AUTS2: variants seen among roughly 807,000 people sequenced by gnomAD.
AUTS2 encodes the protein activator of transcription and developmental regulator AUTS2, also known as autism susceptibility gene 2 protein.
In AUTS2, 17 loss-of-function variants were observed where a neutral mutation model predicts 112.4. The ratio of observed to expected loss-of-function variants is 0.15; its 90% CI spans 0.10 to 0.23. The LOEUF (loss-of-function observed/expected upper bound fraction) is 0.23. Ranked by LOEUF, AUTS2 falls within the 10% of genes least tolerant of loss-of-function variation. The pLI is 1.00. For missense variants in AUTS2, 1,510 were observed against 1,701.6 expected (o/e 0.89, Z 1.98); for synonymous variants, 751 against 702.7 (o/e 1.07, Z -1.09).
At chr7:70,623,597 A>G (rs1233776148) in intron 5 of AUTS2, among the ~76,000 whole-genome samples, 2 of 152,228 alleles carry the variant, frequency 1.3e-5, no homozygotes, top group East Asian at 1.9e-4. Flanking sequence ...GTTAATCATC[A>G]TAGAAAGTTC....
At chr7:69,979,409 C>A (rs1010277511) in intron 2 of AUTS2, among the ~76,000 whole-genome samples, 1 of 152,166 alleles carries the variant, frequency 6.6e-6, no homozygotes, top group Non-Finnish European at 1.5e-5. Context: ...GTTTTGACAG[C>A]TCAAATAACC....
At chr7:70,034,851 T>G (rs1186732853) in intron 2 of AUTS2, among the ~76,000 whole-genome samples, 1 of 152,152 alleles carries the variant, frequency 6.6e-6, no homozygotes, top group Non-Finnish European at 1.5e-5. Flanking sequence ...ATTACTTTTT[T>G]AGAGGCTGTC....
At chr7:70,206,890 G>C (rs1377638893) in intron 4 of AUTS2, among the ~76,000 whole-genome samples, 1 of 152,074 alleles carries the variant, frequency 6.6e-6, no homozygotes, top group Admixed American at 6.5e-5. Context: ...GACTTAAGGT[G>C]GATTTTTTTC....
At chr7:70,175,939 TGTG>T (rs1461220445) in intron 4 of AUTS2, among the ~76,000 whole-genome samples, 1 of 152,210 alleles carries the variant, frequency 6.6e-6, no homozygotes. Context: ...TTCATTTTAT[TGTG>T]GTGGTTTGGA....
chr7:70,037,232 G>C (rs1239979216), intron 2 of AUTS2, among the ~76,000 whole-genome samples: 2 of 152,178 alleles, frequency 1.3e-5, no homozygotes, highest in Non-Finnish European at 2.9e-5. Flanking sequence ...TACTAGGATT[G>C]GGTTTGGAGG....
chr7:70,481,926 G>A (rs1797803948), intron 5 of AUTS2, among the ~76,000 whole-genome samples: 1 of 152,140 alleles, frequency 6.6e-6, no homozygotes, highest in South Asian at 2.1e-4. Context: ...CTAATTATAT[G>A]TATGAGGCCA....
chr7:69,847,786 A>G (rs1487407058), intron 1 of AUTS2, among the ~76,000 whole-genome samples: 1 of 152,206 alleles, frequency 6.6e-6, no homozygotes, highest in Admixed American at 6.5e-5. Context: ...GGACAGAGAA[A>G]GGGAAGCTGG....
chr7:70,344,795 G>A (rs1172185916), intron 4 of AUTS2, among the ~76,000 whole-genome samples: 2 of 152,104 alleles, frequency 1.3e-5, no homozygotes, highest in Non-Finnish European at 2.9e-5. Flanking sequence ...TACCAATACT[G>A]CTTGCAACTC....
chr7:70,084,742 G>A (rs984326546), intron 2 of AUTS2, among the ~76,000 whole-genome samples: 6 of 151,816 alleles, frequency 4.0e-5, no homozygotes, highest in Admixed American at 1.3e-4. Context: ...CTTGAGTGTC[G>A]AGTTCTTTAT....
chr7:70,519,010 A>G (rs1189636557), intron 5 of AUTS2, among the ~76,000 whole-genome samples: 1 of 152,148 alleles, frequency 6.6e-6, no homozygotes, highest in East Asian at 1.9e-4. Flanking sequence ...CGCCAATAAT[A>G]TGTACCTCTT....
chr7:70,043,773 C>CGAA (rs1801375341), intron 2 of AUTS2, among the ~76,000 whole-genome samples: 1 of 152,010 alleles, frequency 6.6e-6, no homozygotes, highest in South Asian at 2.1e-4. Flanking sequence ...CCACGTGCGT[C>CGAA]TAATTTTGTA....
At chr7:70,626,578 G>A (rs543032197) in intron 5 of AUTS2, among the ~76,000 whole-genome samples, 1 of 151,994 alleles carries the variant, frequency 6.6e-6, no homozygotes, top group Admixed American at 6.5e-5. Flanking sequence ...GGTATATTTT[G>A]TGATGCTGAG....
At chr7:70,750,080 G>A (rs993765543) in intron 6 of AUTS2, among the ~76,000 whole-genome samples, 3 of 152,144 alleles carry the variant, frequency 2.0e-5, no homozygotes, top group African/African-American at 7.2e-5. Context: ...ACATGCCTGG[G>A]TGTCTGTGGT....
chr7:70,613,034 C>T (rs1407578908), intron 5 of AUTS2, among the ~76,000 whole-genome samples: 2 of 152,026 alleles, frequency 1.3e-5, no homozygotes, highest in Non-Finnish European at 2.9e-5. Flanking sequence ...TTCTTCTTCG[C>T]TTGGGTGCAT....
chr7:70,653,142 C>T (rs1806597248), intron 5 of AUTS2, among the ~76,000 whole-genome samples: 1 of 152,138 alleles, frequency 6.6e-6, no homozygotes, highest in Non-Finnish European at 1.5e-5. Context: ...GCAGTCCTAC[C>T]TACTCAGGAG....
intron 5 of AUTS2, among the ~76,000 whole-genome samples, chr7:70,648,739 G>A (rs538888719): frequency 9.9e-5 from 15 of 152,082 alleles, no homozygotes; most frequent in Non-Finnish European, 1.8e-4. Flanking sequence ...GCACTACCAC[G>A]CTCAGCTAAT....
At chr7:69,797,204 G>A (rs1330756650) in intron 1 of AUTS2, among the ~76,000 whole-genome samples, 1 of 152,182 alleles carries the variant, frequency 6.6e-6, no homozygotes, top group Non-Finnish European at 1.5e-5. Flanking sequence ...GTATTACGCA[G>A]AGCCCAGATA....
At chr7:70,496,902 A>C (rs1054555530) in intron 5 of AUTS2, among the ~76,000 whole-genome samples, 3 of 139,788 alleles carry the variant, frequency 2.1e-5, no homozygotes, top group African/African-American at 8.1e-5. Context: ...CGTCGATCAC[A>C]CACCCCTCAC....
At chr7:69,610,535 C>T (rs751835540) in intron 1 of AUTS2, among the ~76,000 whole-genome samples, 1 of 152,186 alleles carries the variant, frequency 6.6e-6, no homozygotes, top group Non-Finnish European at 1.5e-5. Flanking sequence ...GCATTGCTTC[C>T]TCTGAGACAG....
Sources: allele counts gnomAD v4.1 joint callset (sites outside exome capture counted in the v4.1 genomes callset), GRCh38; gene constraint gnomAD v4.1.1; transcripts MANE v1.5; gene names NCBI Gene and HGNC (gene_info 2026-07-23, HGNC 2026-07-21).